NLGN1: variants seen among roughly 807,000 people sequenced by gnomAD.
The protein encoded by NLGN1 is neuroligin-1.
Under a neutral mutation model 65.5 loss-of-function variants are expected in NLGN1, and 12 were observed. The ratio of observed to expected loss-of-function variants is 0.18; its 90% confidence interval spans 0.12 to 0.30. NLGN1 has a LOEUF of 0.30. Ranked by LOEUF, NLGN1 falls within the 10% of genes least tolerant of loss-of-function variation. The pLI, the probability that NLGN1 is intolerant of heterozygous loss-of-function variation, is 1.00. For missense variants in NLGN1, 750 were observed against 1,007.1 expected (o/e 0.74, Z 3.46); for synonymous variants, 350 against 359.5 (o/e 0.97, Z 0.30).
intron 4 of NLGN1, among the ~76,000 whole-genome samples, chr3:174,060,044 G>A (rs1737052992): frequency 2.6e-5 from 4 of 151,890 alleles, no homozygotes; most frequent in South Asian, 2.1e-4. Flanking sequence ...CTTTTCTAAG[G>A]GCATTGAGGA....
chr3:174,029,209 A>G (rs1729433636), intron 4 of NLGN1, among the ~76,000 whole-genome samples: 1 of 152,188 alleles, frequency 6.6e-6, no homozygotes, highest in African/African-American at 2.4e-5. Flanking sequence ...CAGACACTCA[A>G]CATCAGCCTG....
chr3:174,268,568 A>G (rs1182068554), intron 4 of NLGN1, among the ~76,000 whole-genome samples: 2 of 152,096 alleles, frequency 1.3e-5, no homozygotes, highest in Non-Finnish European at 2.9e-5. Flanking sequence ...TTGGGAAGAA[A>G]TTTGGTTAAA....
intron 4 of NLGN1, among the ~76,000 whole-genome samples, chr3:173,861,604 A>G (rs946415050): frequency 2.0e-5 from 3 of 151,154 alleles, no homozygotes; most frequent in East Asian, 2.0e-4. Context: ...GTGTGTATGT[A>G]TATATACATA....
chr3:174,258,359 C>G (rs1332479271), intron 4 of NLGN1, among the ~76,000 whole-genome samples: 1 of 151,842 alleles, frequency 6.6e-6, no homozygotes, highest in African/African-American at 2.4e-5. Context: ...TTTTTAACAG[C>G]CAATTCCAAC....
intron 4 of NLGN1, among the ~76,000 whole-genome samples, chr3:173,993,654 T>TGATAGATAGATAGATAGATA (rs10648000): frequency 1.4e-5 from 2 of 147,376 alleles, no homozygotes; most frequent in African/African-American, 2.5e-5. Context: ...GCTAGATAGA[T>TGATAGATAGATAGATAGATA]GATAGATAGA....
intron 4 of NLGN1, among the ~76,000 whole-genome samples, chr3:174,271,847 A>C (rs1749460504): frequency 6.6e-6 from 1 of 151,764 alleles, no homozygotes. Context: ...AATAATTTTT[A>C]GCATAATTGC....
chr3:173,705,790 T>A (rs573842076), intron 3 of NLGN1, among the ~76,000 whole-genome samples: 14 of 152,250 alleles, frequency 9.2e-5, no homozygotes, highest in Admixed American at 9.2e-4. Flanking sequence ...ATCCTTTACA[T>A]TTGCTTATGC....
intron 1 of NLGN1, among the ~76,000 whole-genome samples, chr3:173,421,388 C>T (rs1043279718): frequency 1.0e-3 from 153 of 151,834 alleles, no homozygotes; most frequent in Admixed American, 1.0e-2. Context: ...ATTACAATTG[C>T]CATCAAAATT....
intron 2 of NLGN1, among the ~76,000 whole-genome samples, chr3:173,539,640 A>ACATATATAACATATATGTATATATG (rs1553879342): frequency 3.6e-5 from 4 of 111,812 alleles, no homozygotes; most frequent in African/African-American, 9.3e-5. Context: ...ATACACATAT[A>ACATATATAACATATATGTATATATG]TACATATATA....
At chr3:174,233,572 G>A (rs1287150280) in intron 4 of NLGN1, among the ~76,000 whole-genome samples, 1 of 151,950 alleles carries the variant, frequency 6.6e-6, no homozygotes, top group Non-Finnish European at 1.5e-5. Flanking sequence ...AATGCTATAT[G>A]TGTCATACAA....
chr3:173,796,379 G>A (rs970155701), intron 3 of NLGN1, among the ~76,000 whole-genome samples: 6 of 151,954 alleles, frequency 3.9e-5, no homozygotes, highest in Non-Finnish European at 5.9e-5. Context: ...TGCATCGCAC[G>A]TCCTTTACCA....
At chr3:173,506,510 A>T (rs1577023676) in intron 2 of NLGN1, among the ~76,000 whole-genome samples, 1 of 152,066 alleles carries the variant, frequency 6.6e-6, no homozygotes, top group African/African-American at 2.4e-5. Context: ...GTTACAGAAA[A>T]CACAAATATT....
intron 4 of NLGN1, among the ~76,000 whole-genome samples, chr3:174,173,692 T>TTG (rs1277725838): frequency 2.6e-5 from 4 of 151,030 alleles, no homozygotes; most frequent in Admixed American, 1.3e-4. Flanking sequence ...TGAAGATCTT[T>TTG]TGTGTGTGTG....
intron 4 of NLGN1, among the ~76,000 whole-genome samples, chr3:173,976,106 A>G (rs1481554498): frequency 6.6e-6 from 1 of 151,930 alleles, no homozygotes; most frequent in Non-Finnish European, 1.5e-5. Flanking sequence ...ATATTCTACA[A>G]CTCTACATTC....
At chr3:174,115,905 A>G (rs890382943) in intron 4 of NLGN1, among the ~76,000 whole-genome samples, 2 of 152,200 alleles carry the variant, frequency 1.3e-5, no homozygotes, top group Admixed American at 6.5e-5. Context: ...CTAAGGTTCT[A>G]TATGTCTCTA....
chr3:173,470,787 A>G (rs1328192987), intron 2 of NLGN1, among the ~76,000 whole-genome samples: 1 of 152,128 alleles, frequency 6.6e-6, no homozygotes, highest in Non-Finnish European at 1.5e-5. Context: ...AGTGCAGGCT[A>G]TGGGATTCTT....
intron 4 of NLGN1, among the ~76,000 whole-genome samples, chr3:173,865,367 T>A (rs901870837): frequency 6.6e-6 from 1 of 152,162 alleles, no homozygotes; most frequent in African/African-American, 2.4e-5. Context: ...AGATACATCC[T>A]CATCCCCAAA....
At chr3:174,011,267 A>G (rs1364987370) in intron 4 of NLGN1, among the ~76,000 whole-genome samples, 1 of 152,128 alleles carries the variant, frequency 6.6e-6, no homozygotes, top group Non-Finnish European at 1.5e-5. Flanking sequence ...TATTGGAGTA[A>G]TAAATTGGCT....
intron 4 of NLGN1, among the ~76,000 whole-genome samples, chr3:174,212,635 T>C (rs1736902187): frequency 6.6e-6 from 1 of 152,268 alleles, no homozygotes; most frequent in African/African-American, 2.4e-5. Context: ...ATCCCTGTCA[T>C]TATCAACATA....
Sources: gnomAD v4.1 joint callset for allele counts (sites outside exome capture counted in the v4.1 genomes callset) on GRCh38, gnomAD v4.1.1 for gene constraint, MANE v1.5 for transcripts, NCBI Gene and HGNC (gene_info 2026-07-23, HGNC 2026-07-21) for gene names.